PTPRK: variants seen among roughly 807,000 people sequenced by gnomAD.
The protein encoded by PTPRK is receptor-type tyrosine-protein phosphatase kappa.
Under a neutral mutation model 178.0 loss-of-function variants are expected in PTPRK, and 75 were observed. The observed-to-expected ratio is 0.42, with a 90% confidence interval of 0.35 to 0.51. PTPRK has a LOEUF of 0.51. Among genes scored for constraint, PTPRK ranks in the 20% least tolerant of loss-of-function variants. The probability of loss-of-function intolerance (pLI) is 0.02; values close to 1 mark genes in which losing one functional copy is unlikely to be tolerated. For missense variants in PTPRK, 1,441 were observed against 1,797.8 expected (o/e 0.80, Z 3.59); for synonymous variants, 637 against 620.6 (o/e 1.03, Z -0.39).
intron 5 of PTPRK, among the ~76,000 whole-genome samples, chr6:128,227,045 T>C (rs1447570345): frequency 6.6e-6 from 1 of 152,044 alleles, no homozygotes; most frequent in East Asian, 1.9e-4. Flanking sequence ...GATGCAGCAG[T>C]AGAGGCATGT....
At chr6:128,341,889 C>T (rs576074120) in intron 2 of PTPRK, among the ~76,000 whole-genome samples, 1 of 152,246 alleles carries the variant, frequency 6.6e-6, no homozygotes, top group South Asian at 2.1e-4. Flanking sequence ...CCTTATTTCT[C>T]TTTGCTATGT....
chr6:128,245,040 T>G (rs1815201508), intron 3 of PTPRK, among the ~76,000 whole-genome samples: 1 of 152,186 alleles, frequency 6.6e-6, no homozygotes, highest in African/African-American at 2.4e-5. Context: ...GTCAAGCACT[T>G]ACTATATAAA....
In PTPRK at chr6:128,067,660, T is replaced by C; in HGVS notation, c.2016A>G (p.Ala672=). The C allele has an allele frequency of 6.2e-7, 1 of 1,613,834 alleles. No individual in the cohort carries two copies. Among genetic ancestry groups the C allele is most frequent in the Non-Finnish European group, 8.5e-7 (1 of 1,179,800 alleles). The change falls in exon 12 of 30, where the codon GCA becomes GCG. Residue 672 remains alanine (A), a synonymous_variant. Coordinates refer to ENST00000368226, the MANE Select transcript of PTPRK (RefSeq NM_002844.4). ...CAGGTAGGTTTCCCGGGGGGAGTTC[T>C]GCAGCAAAGTAATACGGTGCACCCC... The part of the protein sequence containing the change: ...MSGGAPYYFA[A]ELPPGNLPEP...
At chr6:127,972,377 T>C (rs1373503254) in intron 29 of PTPRK, among the ~76,000 whole-genome samples, 1 of 152,216 alleles carries the variant, frequency 6.6e-6, no homozygotes, top group Non-Finnish European at 1.5e-5. Flanking sequence ...AAGTAAAATG[T>C]GTTAGATAAG....
chr6:128,148,892 A>T (rs1463633595), intron 7 of PTPRK, among the ~76,000 whole-genome samples: 2 of 152,140 alleles, frequency 1.3e-5, no homozygotes, highest in African/African-American at 4.8e-5. Flanking sequence ...TGGGGGAATG[A>T]GACTTGGTTT....
chr6:128,494,758 T>G (rs1181662386), intron 1 of PTPRK, among the ~76,000 whole-genome samples: 1 of 152,168 alleles, frequency 6.6e-6, no homozygotes, highest in Non-Finnish European at 1.5e-5. Flanking sequence ...AGTAAACATT[T>G]CCAAAAGAGC....
chr6:128,420,877 A>C (rs928242990), intron 1 of PTPRK, among the ~76,000 whole-genome samples: 2 of 152,244 alleles, frequency 1.3e-5, no homozygotes, highest in Admixed American at 6.5e-5. Flanking sequence ...TTAAGTGGTT[A>C]TTCTCAGTAT....
chr6:128,107,809 A>T (rs866459835), intron 7 of PTPRK, among the ~76,000 whole-genome samples: 20 of 152,144 alleles, frequency 1.3e-4, no homozygotes, highest in African/African-American at 4.8e-4. Flanking sequence ...GCATCATTGG[A>T]CAAGGATTCA....
chr6:128,515,988 GA>G (rs1422642784), intron 1 of PTPRK, among the ~76,000 whole-genome samples: 1 of 152,124 alleles, frequency 6.6e-6, no homozygotes, highest in Non-Finnish European at 1.5e-5. Context: ...TTAAAGGCCA[GA>G]AAAACCTGTA....
rs138771762 is a variant in PTPRK, at chr6:128,039,715, G to A, written c.2194+25043C>T. Among the ~76,000 whole-genome samples, 34 of 152,290 alleles carry A rather than the reference G, an allele frequency of 2.2e-4. No individual in the cohort carries two copies. The East Asian group carries it at 6.2e-3, about 28-fold the overall frequency. The stretch of plus-strand genomic sequence containing the variant: ...TGTCATGAGAAGGGTCACAGCTCAT[G>A]ATTTAACACAGATGTGGCCAATGTC... On this transcript the variant is annotated intron_variant, in intron 13 of 29. Transcript: ENST00000368226.
At chr6:128,080,260 T>C (rs182301569) in intron 10 of PTPRK, among the ~76,000 whole-genome samples, 7 of 152,134 alleles carry the variant, frequency 4.6e-5, no homozygotes, top group Non-Finnish European at 8.8e-5. Context: ...TTTGGGCTCA[T>C]GGGGAGAAGT....
intron 3 of PTPRK, 116 bp downstream of exon 3, chr6:128,321,923 G>T: frequency 7.4e-7 from 1 of 1,346,132 alleles, no homozygotes; most frequent in Non-Finnish European, 1.0e-6. Flanking sequence ...ATGGGGGTGG[G>T]GGAGGCAAGA....
At chr6:128,504,554 A>C (rs1043003517) in intron 1 of PTPRK, among the ~76,000 whole-genome samples, 3 of 152,206 alleles carry the variant, frequency 2.0e-5, no homozygotes, top group African/African-American at 7.2e-5. Context: ...CCCTCAGAGC[A>C]ATTAGCAGGC....
chr6:128,519,669 C>T lies in PTPRK; in HGVS notation c.100+590G>A, dbSNP rs1190693032. ...TCCGCCAACACACACACAGAACATG[C>T]TCCAAGCAGTGCCCGAGCGCACAGG... On this transcript the variant is annotated intron_variant, in intron 1 of 29. Coordinates refer to ENST00000368226, the MANE Select transcript of PTPRK (RefSeq NM_002844.4). The surrounding 1 kb of genome is among the most constrained non-coding windows in gnomAD (Gnocchi z 4.3). Among the ~76,000 whole-genome samples the T allele has an allele frequency of 6.6e-6, 1 of 152,210 alleles. No individual in the cohort carries two copies. Among genetic ancestry groups the T allele is most frequent in the Admixed American group, 6.5e-5 (1 of 15,292 alleles).
intron 15 of PTPRK, among the ~76,000 whole-genome samples, chr6:128,003,783 G>T (rs1256608901): frequency 6.6e-6 from 1 of 151,576 alleles, no homozygotes; most frequent in Admixed American, 6.6e-5. Context: ...TTTATTTTCC[G>T]CAAAACTTAC....
At chr6:128,444,753 G>A (rs550990592) in intron 1 of PTPRK, among the ~76,000 whole-genome samples, 11 of 152,274 alleles carry the variant, frequency 7.2e-5, no homozygotes, top group African/African-American at 2.6e-4. Context: ...GAAGAAAAGG[G>A]AAGTAGCTTC....
chr6:128,340,382 T>C (rs183220338), intron 2 of PTPRK, among the ~76,000 whole-genome samples: 3 of 152,334 alleles, frequency 2.0e-5, no homozygotes, highest in African/African-American at 7.2e-5. Context: ...ACTGATTTCC[T>C]TATGGAATCC....
intron 6 of PTPRK, among the ~76,000 whole-genome samples, chr6:128,194,854 A>C (rs1478572556): frequency 6.6e-6 from 1 of 152,232 alleles, no homozygotes; most frequent in Non-Finnish European, 1.5e-5. Flanking sequence ...TCCATTCTAG[A>C]TTATAGGCAA....
intron 1 of PTPRK, among the ~76,000 whole-genome samples, chr6:128,443,397 AGAG>A (rs1003250293): frequency 1.1e-4 from 16 of 152,132 alleles, no homozygotes; most frequent in African/African-American, 2.9e-4. Flanking sequence ...CTAGAAAAAT[AGAG>A]GAGGAAAGAA....
Sources: gnomAD v4.1 joint callset for allele counts (sites outside exome capture counted in the v4.1 genomes callset) on GRCh38, gnomAD v4.1.1 for gene constraint, Gnocchi (gnomAD v3.1) non-coding constraint, MANE v1.5 for transcripts, NCBI Gene and HGNC (gene_info 2026-07-23, HGNC 2026-07-21) for gene names.